MAGI2: variants seen among roughly 807,000 people sequenced by gnomAD.
The protein encoded by MAGI2 is membrane-associated guanylate kinase, WW and PDZ domain-containing protein 2.
In MAGI2, 35 loss-of-function variants were observed where a neutral mutation model predicts 133.3. That is an observed-to-expected ratio of 0.26 (90% CI 0.20 to 0.35). The LOEUF (loss-of-function observed/expected upper bound fraction) is 0.35. Among genes scored for constraint, MAGI2 ranks in the 10% least tolerant of loss-of-function variants. MAGI2 has a pLI of 1.00. For synonymous variants in MAGI2, 729 were observed against 710.6 expected (o/e 1.03, Z -0.41); for missense variants, 1,636 against 1,863.4 (o/e 0.88, Z 2.25).
intron 2 of MAGI2, among the ~76,000 whole-genome samples, chr7:78,987,462 A>T (rs576029426): frequency 2.0e-5 from 3 of 151,994 alleles, no homozygotes; most frequent in Non-Finnish European, 2.9e-5. Flanking sequence ...TAATTATCTT[A>T]CTTTGAAGGT....
chr7:78,710,440 A>ATG (rs1819072016), intron 2 of MAGI2, among the ~76,000 whole-genome samples: 1 of 152,172 alleles, frequency 6.6e-6, no homozygotes, highest in African/African-American at 2.4e-5. Context: ...ACCCCATCAA[A>ATG]GAATGTGACT....
Position 78,167,965 on chromosome 7 carries a change from G to A in MAGI2, c.2547C>T (p.Ala849=). Residue 849 remains alanine, a synonymous_variant, in exon 15 of 22, where the codon GCC becomes GCT. Transcript: ENST00000354212. The part of the protein sequence containing the change: ...RYVIDLMHHA[A]RNGQVNLTVR... Reference sequence around the variant, plus strand: ...CAGTGAGGTTGACCTGCCCATTGCGGGCTGCGTGGTGCATGAGGTCGATGA... The same window carrying A: ...CAGTGAGGTTGACCTGCCCATTGCGAGCTGCGTGGTGCATGAGGTCGATGA... 1 of 1,614,096 alleles carries A rather than the reference G, an allele frequency of 6.2e-7. No individual in the cohort carries two copies. Among genetic ancestry groups the A allele is most frequent in the Non-Finnish European group, 8.5e-7 (1 of 1,179,998 alleles).
chr7:78,038,168 T>C (rs926914996), intron 21 of MAGI2, among the ~76,000 whole-genome samples: 10 of 152,228 alleles, frequency 6.6e-5, no homozygotes, highest in African/African-American at 2.4e-4. Flanking sequence ...CTGGGATCTG[T>C]CTTGTTCACT....
At chr7:79,363,695 TAA>T (rs200750002) in intron 1 of MAGI2, among the ~76,000 whole-genome samples, 85 of 139,522 alleles carry the variant, frequency 6.1e-4, no homozygotes, top group South Asian at 5.9e-3. Context: ...AACTGAAAAT[TAA>T]AAAAAAAAAA....
intron 2 of MAGI2, among the ~76,000 whole-genome samples, chr7:78,700,901 A>G (rs1452722233): frequency 1.3e-5 from 2 of 151,526 alleles, no homozygotes; most frequent in Admixed American, 6.6e-5. Context: ...AAAATACTTA[A>G]AAGTAATATA....
chr7:79,185,408 A>G (rs1002029744), intron 1 of MAGI2, among the ~76,000 whole-genome samples: 2 of 151,882 alleles, frequency 1.3e-5, no homozygotes, highest in African/African-American at 4.8e-5. Flanking sequence ...TTATCACTCA[A>G]ACTTAACAAT....
At chr7:79,349,832 C>T (rs575043976) in intron 1 of MAGI2, among the ~76,000 whole-genome samples, 20 of 152,076 alleles carry the variant, frequency 1.3e-4, no homozygotes, top group African/African-American at 4.8e-4. Context: ...ACTTTATAAT[C>T]CTAATTCTAT....
chr7:78,275,701 A>C (rs775852148), intron 9 of MAGI2, among the ~76,000 whole-genome samples: 10 of 152,216 alleles, frequency 6.6e-5, no homozygotes, highest in Non-Finnish European at 1.3e-4. Context: ...AAGCTTTGAA[A>C]ATCTTAAGTC....
chr7:79,136,469 C>T (rs1821586172), intron 1 of MAGI2, among the ~76,000 whole-genome samples: 1 of 152,198 alleles, frequency 6.6e-6, no homozygotes, highest in Non-Finnish European at 1.5e-5. Flanking sequence ...ATATGTTCAG[C>T]CTAATTCCGC....
intron 3 of MAGI2, among the ~76,000 whole-genome samples, chr7:78,530,005 T>C (rs757197416): frequency 2.0e-5 from 3 of 152,208 alleles, no homozygotes; most frequent in Non-Finnish European, 4.4e-5. Flanking sequence ...CACACCTTAA[T>C]TGGGACAAGC....
chr7:78,666,207 GATC>G (rs1813563007), intron 2 of MAGI2, among the ~76,000 whole-genome samples: 1 of 152,150 alleles, frequency 6.6e-6, no homozygotes, highest in East Asian at 1.9e-4. Context: ...AAACTGCTGA[GATC>G]ATTATAGCCA....
At chr7:78,716,525 C>G (rs1178415446) in intron 2 of MAGI2, among the ~76,000 whole-genome samples, 2 of 152,160 alleles carry the variant, frequency 1.3e-5, no homozygotes, top group East Asian at 1.9e-4. Flanking sequence ...GGCAGAGTGG[C>G]CTTTAGAGGG....
intron 9 of MAGI2, among the ~76,000 whole-genome samples, chr7:78,297,090 A>G (rs918651108): frequency 3.3e-5 from 5 of 152,234 alleles, no homozygotes; most frequent in African/African-American, 1.2e-4. Flanking sequence ...TAATTTATGT[A>G]GCTATGTAAG....
intron 1 of MAGI2, among the ~76,000 whole-genome samples, chr7:79,432,302 G>A (rs1847830922): frequency 6.6e-6 from 1 of 152,090 alleles, no homozygotes; most frequent in Non-Finnish European, 1.5e-5. Flanking sequence ...GCACAGAAGT[G>A]GTCATTTAAA....
At chr7:79,042,698 A>T in intron 1 of MAGI2, among the ~76,000 whole-genome samples, 1 of 152,170 alleles carries the variant, frequency 6.6e-6, no homozygotes, top group East Asian at 1.9e-4. Flanking sequence ...GAAAAATAAC[A>T]AAGATATTTG....
At chr7:78,502,652 A>C (rs568593492) in intron 4 of MAGI2, among the ~76,000 whole-genome samples, 61 of 152,256 alleles carry the variant, frequency 4.0e-4, no homozygotes, top group African/African-American at 1.5e-3. Context: ...GTTTTTTTGT[A>C]TAGTATATAT....
chr7:79,153,105 G>A (rs1823422135), intron 1 of MAGI2, among the ~76,000 whole-genome samples: 1 of 152,198 alleles, frequency 6.6e-6, no homozygotes, highest in African/African-American at 2.4e-5. Flanking sequence ...CCCTTTCCTG[G>A]TAGAGCCTAG....
intron 1 of MAGI2, among the ~76,000 whole-genome samples, chr7:79,396,944 A>G (rs2129157697): frequency 6.6e-6 from 1 of 152,176 alleles, no homozygotes; most frequent in South Asian, 2.1e-4. Flanking sequence ...AAAAGTTTTT[A>G]AGTATAAAAA....
intron 6 of MAGI2, among the ~76,000 whole-genome samples, chr7:78,415,579 G>C (rs1164748331): frequency 6.6e-6 from 1 of 151,948 alleles, no homozygotes; most frequent in South Asian, 2.1e-4. Flanking sequence ...TATTTTCTCT[G>C]CTCCCATTTT....
Sources: allele counts gnomAD v4.1 joint callset (sites outside exome capture counted in the v4.1 genomes callset), GRCh38; gene constraint gnomAD v4.1.1; transcripts MANE v1.5; gene names NCBI Gene and HGNC (gene_info 2026-07-23, HGNC 2026-07-21).